Variants in C2CD3 observed in about 807,000 individuals in gnomAD.
C2CD3 encodes the protein C2 domain-containing protein 3.
Under a neutral mutation model 234.0 loss-of-function variants are expected in C2CD3, and 148 were observed. That is an observed-to-expected ratio of 0.63 (90% CI 0.55 to 0.72). The LOEUF is 0.72. Among genes scored for constraint, C2CD3 ranks in the 30% least tolerant of loss-of-function variants. The pLI is 0.00. For synonymous variants in C2CD3, 1,000 were observed against 1,035.4 expected (o/e 0.97, Z 0.66); for missense variants, 2,577 against 2,811.5 (o/e 0.92, Z 1.89).
intron 3 of C2CD3, among the ~76,000 whole-genome samples, chr11:74,143,185 A>G (rs553152912): frequency 1.3e-5 from 2 of 152,324 alleles, no homozygotes; most frequent in South Asian, 4.1e-4. Context: ...GACACTCATC[A>G]GTCTTCTAGC....
intron 3 of C2CD3, among the ~76,000 whole-genome samples, chr11:74,148,869 G>T (rs1460039409): frequency 6.6e-6 from 1 of 152,032 alleles, no homozygotes; most frequent in Admixed American, 6.6e-5. Context: ...GCAAAGCAGT[G>T]GTATAACAAG....
intron 28 of C2CD3, among the ~76,000 whole-genome samples, chr11:74,047,817 A>G (rs983572815): frequency 1.3e-5 from 2 of 152,210 alleles, no homozygotes; most frequent in African/African-American, 4.8e-5. Flanking sequence ...AGCCATATGC[A>G]TGTTCAAGGC....
chr11:74,017,183 G>A (rs1043212534), intron 32 of C2CD3, among the ~76,000 whole-genome samples: 6 of 152,304 alleles, frequency 3.9e-5, no homozygotes, highest in East Asian at 1.9e-4. Flanking sequence ...ATGTCTGGGG[G>A]GAATTTGATC....
chr11:74,137,943 A>G (rs1158726215), intron 5 of C2CD3, among the ~76,000 whole-genome samples: 1 of 152,108 alleles, frequency 6.6e-6, no homozygotes, highest in Non-Finnish European at 1.5e-5. Flanking sequence ...TATAAACAAA[A>G]TGTTTTTGTT....
chr11:74,033,612 G>C lies in C2CD3; in HGVS notation c.6548C>G (p.Ala2183Gly). ...QPIPCPTLSG[A>G]QQSSTFVGWS... The stretch of plus-strand genomic sequence containing the variant: ...TCCAACAAACGTGCTGCTCTGTTGA[G>C]CTCCTGAGAGTGTTGGGCATGGGAT... Residue 2183 changes from alanine to glycine, a missense_variant, in exon 31 of 33, where the codon GCT becomes GGT. By Grantham distance (60) the Ala-to-Gly change is moderately conservative. Coordinates refer to ENST00000334126, the MANE Select transcript of C2CD3 (RefSeq NM_001286577.2). The C allele has an allele frequency of 6.5e-7, 1 of 1,536,148 alleles. No individual in the cohort carries two copies. The highest frequency in any genetic ancestry group is 8.7e-7 in the Non-Finnish European group (1 of 1,146,910).
intron 24 of C2CD3, among the ~76,000 whole-genome samples, chr11:74,062,736 C>T (rs188657989): frequency 0.011 from 1,690 of 150,940 alleles, 30 homozygotes; most frequent in African/African-American, 0.039. Flanking sequence ...AGAGCAAACA[C>T]ATTCAAAAGC....
At chr11:74,159,111 T>A (rs1367499037) in intron 3 of C2CD3, among the ~76,000 whole-genome samples, 3 of 152,230 alleles carry the variant, frequency 2.0e-5, no homozygotes, top group African/African-American at 7.2e-5. Context: ...GCCTAGTGAC[T>A]ATAGTGTTGT....
chr11:74,034,525 A>G, intron 30 of C2CD3: 1 of 1,610,908 alleles, frequency 6.2e-7, no homozygotes, highest in Non-Finnish European at 8.5e-7. Flanking sequence ...ATGCTTTCAG[A>G]GACTATCTGC....
intron 2 of C2CD3, among the ~76,000 whole-genome samples, chr11:74,165,192 T>C (rs1856725796): frequency 6.6e-6 from 1 of 152,250 alleles, no homozygotes; most frequent in African/African-American, 2.4e-5. Flanking sequence ...CCTCTTCTTT[T>C]TTTATATGTT....
At chr11:74,104,099 A>G (rs1956423128) in intron 13 of C2CD3, among the ~76,000 whole-genome samples, 1 of 152,228 alleles carries the variant, frequency 6.6e-6, no homozygotes, top group South Asian at 2.1e-4. Flanking sequence ...GTAGAGTTAG[A>G]AATCACCATT....
At chr11:74,131,259 G>A (rs1394266298) in intron 7 of C2CD3, among the ~76,000 whole-genome samples, 1 of 150,638 alleles carries the variant, frequency 6.6e-6, no homozygotes, top group African/African-American at 2.4e-5. Context: ...GGAGGCAGAG[G>A]TTGCAGTAAG....
At chr11:74,072,894 T>TG (rs1954864860) in intron 24 of C2CD3, among the ~76,000 whole-genome samples, 1 of 152,108 alleles carries the variant, frequency 6.6e-6, no homozygotes, top group Non-Finnish European at 1.5e-5. Context: ...TGCAGTACTG[T>TG]GTGACATATG....
At chr11:74,142,680 G>C (rs1854884748) in intron 3 of C2CD3, among the ~76,000 whole-genome samples, 1 of 152,040 alleles carries the variant, frequency 6.6e-6, no homozygotes, top group Admixed American at 6.6e-5. Flanking sequence ...AAAAGCTGAG[G>C]GGGATGGAAG....
chr11:74,012,856 C>A lies in C2CD3; in HGVS notation c.*529G>T, dbSNP rs571846722. On this transcript the variant is annotated 3_prime_UTR_variant, in exon 33 of 33. Transcript: ENST00000334126. ...GTTTGAAGGAAGTGATTTCCCCTTC[C>A]TCTCCTAATTGATTAATTCAACACA... 6.6e-6 allele frequency: 1 copy of A among 152,238 alleles called. No homozygotes were observed. Among genetic ancestry groups the A allele is most frequent in the South Asian group, 2.1e-4 (1 of 4,822 alleles). The allele number at this position is 152,238 out of a possible 1,614,324, so 9.4% of individuals were successfully genotyped here.
At chr11:74,036,904 C>T (rs1449245346) in intron 30 of C2CD3, among the ~76,000 whole-genome samples, 1 of 152,142 alleles carries the variant, frequency 6.6e-6, no homozygotes, top group Non-Finnish European at 1.5e-5. Flanking sequence ...TACAGTACAG[C>T]CTGGGCATGG....
chr11:74,074,725 A>G (rs1954957145), intron 23 of C2CD3, 125 bp from the exon 24 acceptor site: 5 of 708,204 alleles, frequency 7.1e-6, no homozygotes, highest in Non-Finnish European at 9.3e-6. Flanking sequence ...CAATACAGCA[A>G]TTTGCAAAAG....
chr11:74,140,647 T>C (rs1169979288), intron 3 of C2CD3, among the ~76,000 whole-genome samples: 1 of 152,230 alleles, frequency 6.6e-6, no homozygotes, highest in Non-Finnish European at 1.5e-5. Context: ...GGCTATCTTC[T>C]TCATTTTTCT....
At chr11:74,093,703 G>A in intron 18 of C2CD3, 113 bp downstream of exon 18, 1 of 717,422 alleles carries the variant, frequency 1.4e-6, no homozygotes, top group Non-Finnish European at 2.2e-6. Context: ...AAACAGGGCT[G>A]AAGAGGCTGC....
At chr11:74,123,456 C>T (rs973875330) in intron 7 of C2CD3, among the ~76,000 whole-genome samples, 7 of 151,982 alleles carry the variant, frequency 4.6e-5, no homozygotes, top group Admixed American at 3.9e-4. Context: ...AATCTGTACT[C>T]TTGTATTATT....
Sources: allele counts gnomAD v4.1 joint callset (sites outside exome capture counted in the v4.1 genomes callset), GRCh38; gene constraint gnomAD v4.1.1; transcripts MANE v1.5; gene names NCBI Gene and HGNC (gene_info 2026-07-23, HGNC 2026-07-21).